ALMS1: variants seen among roughly 807,000 people sequenced by gnomAD.
ALMS1 encodes the protein centrosome-associated protein ALMS1.
ALMS1 carries 271 observed loss-of-function variants against 352.2 expected under a neutral mutation model. That is an observed-to-expected ratio of 0.77 (90% confidence interval 0.70 to 0.85). The LOEUF (loss-of-function observed/expected upper bound fraction) is 0.85. Ranked by LOEUF, ALMS1 falls within the 40% of genes least tolerant of loss-of-function variation. The probability of loss-of-function intolerance (pLI) is 0.00; values close to 1 mark genes in which losing one functional copy is unlikely to be tolerated. For synonymous variants in ALMS1, 1,865 were observed against 1,761.2 expected, an observed-to-expected ratio of 1.06 and a Z score of -1.48; for missense variants, 5,445 against 4,870.7, an observed-to-expected ratio of 1.12 and a Z score of -3.51.
Position 73,419,291 on chromosome 2 carries a change from A to G in ALMS1, c.619A>G (p.Arg207Gly), listed in dbSNP as rs771994237. The G allele has an allele frequency of 6.2e-7, 1 of 1,614,074 alleles. No individual in the cohort carries two copies. Residue 207 changes from arginine (R) to glycine (G), a missense_variant, in exon 3 of 23, where the codon AGA becomes GGA. Coordinates refer to ENST00000613296, the MANE Select transcript of ALMS1 (RefSeq NM_001378454.1). ...AGAAAATCAAGTAAAGGAACCCAAC[A>G]GAGATCTCTTCTGTTCTCCACTGCT... ...QSENQVKEPN[R>G]DLFCSPLLVI... is the part of the protein sequence containing the mutation.
intron 13 of ALMS1, among the ~76,000 whole-genome samples, chr2:73,556,642 T>TG (rs1553416773): frequency 7.4e-4 from 103 of 139,542 alleles, no homozygotes; most frequent in African/African-American, 2.7e-3. Flanking sequence ...CCTTTTTTTT[T>TG]TTGTTTTTTT....
At chr2:73,548,705 G>A (rs1409585343) in intron 12 of ALMS1, among the ~76,000 whole-genome samples, 1 of 152,286 alleles carries the variant, frequency 6.6e-6, no homozygotes, top group South Asian at 2.1e-4. Flanking sequence ...TTCCATAAAA[G>A]TGCTGTAAGA....
chr2:73,589,766 C>G (rs1384640475), intron 16 of ALMS1, among the ~76,000 whole-genome samples: 3 of 152,308 alleles, frequency 2.0e-5, no homozygotes, highest in African/African-American at 7.2e-5. Flanking sequence ...CACCCAGGTT[C>G]CTGTCAGTTC....
intron 11 of ALMS1, among the ~76,000 whole-genome samples, chr2:73,520,313 A>AT (rs1188728466): frequency 1.3e-5 from 2 of 152,208 alleles, no homozygotes; most frequent in Non-Finnish European, 2.9e-5. Flanking sequence ...CTTGAAAGTA[A>AT]TTGAGGTCTG....
intron 1 of ALMS1, among the ~76,000 whole-genome samples, chr2:73,408,290 T>C (rs1469783771): frequency 1.3e-5 from 2 of 152,224 alleles, no homozygotes; most frequent in Non-Finnish European, 2.9e-5. Context: ...TCTTGTGCTA[T>C]GAGTTGATTT....
rs766944640 is a variant in ALMS1, at chr2:73,453,855, T to G, written c.7328T>G (p.Leu2443Arg). 1.2e-6 allele frequency: 2 copies of G among 1,614,046 alleles called. No individual in the cohort carries two copies. The highest frequency in any genetic ancestry group is 2.7e-5 in the African/African-American group (2 of 74,930). ...PESLESVSDV[L>R]LNFFPYVSPK... ...TCTTTGGAATCAGTTTCTGATGTTCTTCTAAACTTCTTTCCATATGTTTCA... is the reference window on the plus strand; with the variant it reads ...TCTTTGGAATCAGTTTCTGATGTTCGTCTAAACTTCTTTCCATATGTTTCA... The change falls in exon 8 of 23, where the codon CTT (leucine) becomes CGT (arginine). Residue 2443 changes from leucine (L) to arginine (R), a missense_variant. Physicochemically the swap from Leu to Arg is moderately radical, Grantham distance 102 (BLOSUM62 -2). Coordinates refer to ENST00000613296, the MANE Select transcript of ALMS1 (RefSeq NM_001378454.1).
chr2:73,401,124 T>C (rs1252372390), intron 1 of ALMS1, among the ~76,000 whole-genome samples: 1 of 152,170 alleles, frequency 6.6e-6, no homozygotes, highest in Non-Finnish European at 1.5e-5. Context: ...CTTTATCTTA[T>C]TTTATTAGCC....
intron 2 of ALMS1, among the ~76,000 whole-genome samples, chr2:73,409,305 G>T (rs889839034): frequency 1.3e-5 from 2 of 151,898 alleles, no homozygotes; most frequent in African/African-American, 4.8e-5. Context: ...ATAGAGATGG[G>T]AGTCTCTGTG....
chr2:73,446,117 C>T (rs185096604), intron 7 of ALMS1, among the ~76,000 whole-genome samples: 2 of 152,240 alleles, frequency 1.3e-5, no homozygotes, highest in East Asian at 1.9e-4. Context: ...TCTCCTCCCT[C>T]GCTTTTAACA....
intron 3 of ALMS1, among the ~76,000 whole-genome samples, chr2:73,421,862 T>G (rs1419694448): frequency 6.6e-6 from 1 of 152,160 alleles, no homozygotes; most frequent in African/African-American, 2.4e-5. Flanking sequence ...GAGTCCTCAC[T>G]TTGTACACAG....
intron 7 of ALMS1, among the ~76,000 whole-genome samples, chr2:73,441,824 A>G (rs1206629214): frequency 6.6e-6 from 1 of 152,016 alleles, no homozygotes; most frequent in Non-Finnish European, 1.5e-5. Flanking sequence ...AGGGAAAAGC[A>G]AATTTATATC....
At chr2:73,575,119 T>A (rs1434065563) in intron 16 of ALMS1, among the ~76,000 whole-genome samples, 1 of 152,246 alleles carries the variant, frequency 6.6e-6, no homozygotes, top group Non-Finnish European at 1.5e-5. Flanking sequence ...TTTTTATAGC[T>A]GAGTATTATT....
At chr2:73,523,187 G>GAAAAC (rs1464703663) in intron 11 of ALMS1, among the ~76,000 whole-genome samples, 2 of 152,178 alleles carry the variant, frequency 1.3e-5, no homozygotes, top group Non-Finnish European at 2.9e-5. Flanking sequence ...AAGCATTGTA[G>GAAAAC]ACTCAGAAAG....
rs1414087888 is a variant in ALMS1 at position 73,419,137 on chromosome 2, G to C, written c.465G>C (p.Trp155Cys). ...CATTTTTCTAGAAAACAGAATCTTG[G>C]CATTGTCTTCCTCAAGAAATGGACT... ...GSGDDQKTES[W>C]HCLPQEMDSS... is the part of the protein sequence containing the mutation. The change falls in exon 3 of 23, where the codon TGG (tryptophan) becomes TGC (cysteine). Residue 155 changes from tryptophan to cysteine, a missense_variant. By Grantham distance (215) the Trp-to-Cys change is radical. Transcript: ENST00000613296. The C allele has an allele frequency of 1.2e-5, 20 of 1,613,564 alleles. No individual in the cohort carries two copies. Among genetic ancestry groups the C allele is most frequent in the Non-Finnish European group, 1.6e-5 (19 of 1,179,736 alleles).
rs765259780 is a variant in ALMS1 at position 73,507,691 on chromosome 2, GTCTA to G, written c.9540-12078_9540-12075del. ...TTCTTCTTTATTAGTCTGGCTAGTG[GTCTA>G]TCTATTTTGTTAATCTTTTCGAAAA... On this transcript the variant is annotated intron_variant, in intron 10 of 22. Coordinates refer to ENST00000613296, the MANE Select transcript of ALMS1 (RefSeq NM_001378454.1). Among the ~76,000 whole-genome samples, 10 of 152,178 alleles carry G rather than the reference GTCTA, an allele frequency of 6.6e-5. 1 individual carries two copies. Among genetic ancestry groups the G allele is most frequent in the Non-Finnish European group, 1.0e-4 (7 of 68,014 alleles).
At chr2:73,606,847 A>G (rs185163818) in intron 21 of ALMS1, among the ~76,000 whole-genome samples, 2 of 152,258 alleles carry the variant, frequency 1.3e-5, no homozygotes, top group East Asian at 1.9e-4. Flanking sequence ...GTTATCACCT[A>G]TCTCTACCAA....
chr2:73,526,799 G>A (rs1673800489), intron 11 of ALMS1, among the ~76,000 whole-genome samples: 1 of 152,046 alleles, frequency 6.6e-6, no homozygotes, highest in South Asian at 2.1e-4. Flanking sequence ...AGGACTTCCA[G>A]TGCTATGTTG....
At chr2:73,526,887 G>T (rs1171068907) in intron 11 of ALMS1, among the ~76,000 whole-genome samples, 1 of 152,136 alleles carries the variant, frequency 6.6e-6, no homozygotes, top group African/African-American at 2.4e-5. Context: ...TCCCCATTCA[G>T]TATGATACTA....
intron 16 of ALMS1, among the ~76,000 whole-genome samples, chr2:73,578,888 TGCCTTATTTCTATGTATATGCCTTAA>T (rs1351118471): frequency 0.01 from 1,545 of 152,124 alleles, 38 homozygotes; most frequent in African/African-American, 0.035. Context: ...TTATTTCTTA[TGCCTTATTTCTATGTATATGCCTTAA>T]GCCTTATTTC....
Sources: gnomAD v4.1 joint callset for allele counts (sites outside exome capture counted in the v4.1 genomes callset) on GRCh38, gnomAD v4.1.1 for gene constraint, MANE v1.5 for transcripts, NCBI Gene and HGNC (gene_info 2026-07-23, HGNC 2026-07-21) for gene names.